Variants in WNT3 observed in about 807,000 individuals in gnomAD.
WNT3 encodes proto-oncogene Wnt-3.
A neutral mutation model predicts 34.2 loss-of-function variants in WNT3; 7 were observed. The observed-to-expected ratio is 0.20, with a 90% CI of 0.12 to 0.38. The LOEUF is 0.38. Among genes scored for constraint, WNT3 ranks in the 10% least tolerant of loss-of-function variants. WNT3 has a pLI of 1.00. For synonymous variants in WNT3, 212 were observed against 211.5 expected (o/e 1.00, Z -0.02); for missense variants, 267 against 499.8 (o/e 0.53, Z 4.44).
chr17:46,796,289 T>C (rs1568089544), intron 1 of WNT3, among the ~76,000 whole-genome samples: 1 of 152,372 alleles, frequency 6.6e-6, no homozygotes, highest in South Asian at 2.1e-4. Flanking sequence ...ACAATAAATG[T>C]TGGTTGCCAT....
intron 1 of WNT3, among the ~76,000 whole-genome samples, chr17:46,810,223 G>T (rs1481158475): frequency 1.3e-5 from 2 of 151,316 alleles, no homozygotes; most frequent in African/African-American, 2.4e-5. Context: ...GGCCAAGCAG[G>T]CCTCAAACTC....
chr17:46,791,547 G>A (rs1327659113), intron 1 of WNT3, among the ~76,000 whole-genome samples: 1 of 152,154 alleles, frequency 6.6e-6, no homozygotes, highest in East Asian at 1.9e-4. Context: ...ACTCTGCTCT[G>A]CAGAGCCTCA....
At chr17:46,806,121 C>T (rs757309644) in intron 1 of WNT3, among the ~76,000 whole-genome samples, 32 of 152,046 alleles carry the variant, frequency 2.1e-4, no homozygotes, top group African/African-American at 7.0e-4. Flanking sequence ...CCACTGGAGC[C>T]GCCCACTTGC....
At chr17:46,810,638 A>G (rs1374766305) in intron 1 of WNT3, among the ~76,000 whole-genome samples, 1 of 152,104 alleles carries the variant, frequency 6.6e-6, no homozygotes, top group Non-Finnish European at 1.5e-5. Context: ...CTTTGTGTGT[A>G]GAGTTTAGAG....
Position 46,768,877 on chromosome 17 carries a change from G to C in WNT3, c.589-78C>G. ...ATCCAGGCCTTCCCTCTCTGCCACT[G>C]CCCACCCCCTTCCCTCCAGCCTTCT... On this transcript the variant is annotated intron_variant, in intron 3 of 4. Coordinates refer to ENST00000225512, the MANE Select transcript of WNT3 (RefSeq NM_030753.5). This position sits in a 1 kb window ranked among gnomAD's most constrained non-coding sequence, Gnocchi z 5.0. 6.4e-7 allele frequency: 1 copy of C among 1,561,658 alleles called. No homozygotes were observed. Among genetic ancestry groups the C allele is most frequent in the South Asian group, 1.2e-5 (1 of 83,882 alleles).
intron 1 of WNT3, among the ~76,000 whole-genome samples, chr17:46,803,917 G>A (rs1053416295): frequency 7.2e-5 from 11 of 152,152 alleles, no homozygotes; most frequent in Admixed American, 5.9e-4. Flanking sequence ...GGCTGTAGGC[G>A]GGCATTTCTC....
At chr17:46,771,893 T>TGCCCCCGCCCCC (rs1282212413) in intron 2 of WNT3, among the ~76,000 whole-genome samples, 9 of 103,398 alleles carry the variant, frequency 8.7e-5, no homozygotes, top group South Asian at 3.3e-4. Flanking sequence ...CCCCCGCCCC[T>TGCCCCCGCCCCC]GCCCCCGCCC....
intron 2 of WNT3, among the ~76,000 whole-genome samples, chr17:46,772,101 C>T (rs2059379389): frequency 6.6e-6 from 1 of 152,090 alleles, no homozygotes; most frequent in Admixed American, 6.5e-5. Flanking sequence ...TCGCCGGGGG[C>T]GGGGTGCAAA....
chr17:46,772,202 A>C (rs972875135), intron 2 of WNT3, among the ~76,000 whole-genome samples: 2 of 151,952 alleles, frequency 1.3e-5, no homozygotes, highest in African/African-American at 4.8e-5. Context: ...GTCTTCCGGG[A>C]TGCTCTCCTC....
chr17:46,810,525 G>A (rs894238925), intron 1 of WNT3, among the ~76,000 whole-genome samples: 3 of 152,112 alleles, frequency 2.0e-5, no homozygotes, highest in Admixed American at 6.5e-5. Flanking sequence ...AGCTCTTCAC[G>A]GCCCTGCAAG....
chr17:46,813,322 G>A (rs1401465858), intron 1 of WNT3, among the ~76,000 whole-genome samples: 1 of 151,690 alleles, frequency 6.6e-6, no homozygotes, highest in Non-Finnish European at 1.5e-5. Context: ...CCAGAGAAGG[G>A]AAGGGACTCA....
chr17:46,764,643 G>A (rs1244202484), intron 4 of WNT3, 22 bp from the exon 5 acceptor site: 1 of 152,294 alleles, frequency 6.6e-6, no homozygotes, highest in Non-Finnish European at 1.5e-5. Context: ...TCAAGAGGAA[G>A]AATTAGAAAC....
At chr17:46,777,777 G>A (rs1395046114) in intron 1 of WNT3, among the ~76,000 whole-genome samples, 1 of 152,240 alleles carries the variant, frequency 6.6e-6, no homozygotes, top group Non-Finnish European at 1.5e-5. Flanking sequence ...CTTATGCAAG[G>A]AAGTGGCTGA....
rs1159235065 is a variant in WNT3 at position 46,763,417 on chromosome 17, C to T, written c.*1213G>A. The stretch of plus-strand genomic sequence containing the variant: ...AACTTCTAATCCAGATCCTTGGGAA[C>T]TGCATGGATGGAAGCTATCTCAGCA... On this transcript the variant is annotated 3_prime_UTR_variant, in exon 5 of 5. Coordinates refer to ENST00000225512, the MANE Select transcript of WNT3 (RefSeq NM_030753.5). The T allele has an allele frequency of 6.6e-6, 1 of 152,162 alleles. No individual in the cohort carries two copies. The highest frequency in any genetic ancestry group is 1.5e-5 in the Non-Finnish European group (1 of 68,062). 9.4% of individuals were successfully genotyped at this position (152,162 alleles called of 1,614,324 possible). A position where few individuals can be genotyped will look rare whatever the true frequency, so the allele number is the denominator to read the frequency against.
intron 1 of WNT3, among the ~76,000 whole-genome samples, chr17:46,813,459 C>G (rs1278671226): frequency 7.2e-6 from 1 of 139,692 alleles, no homozygotes; most frequent in Non-Finnish European, 1.5e-5. Context: ...CAGGATGGCT[C>G]TAACCTTTGG....
At chr17:46,766,689 G>A (rs1339082044) in intron 4 of WNT3, among the ~76,000 whole-genome samples, 1 of 152,086 alleles carries the variant, frequency 6.6e-6, no homozygotes, top group Non-Finnish European at 1.5e-5. Context: ...TCTCCATGAC[G>A]TCAAGTACCT....
intron 1 of WNT3, among the ~76,000 whole-genome samples, chr17:46,780,564 G>A (rs1040469079): frequency 4.6e-5 from 7 of 152,290 alleles, no homozygotes; most frequent in East Asian, 3.9e-4. Flanking sequence ...CGAGGCGGGA[G>A]GATCACGAGG....
In WNT3 at chr17:46,764,023, A is replaced by G. The variant is rs1275776508; in HGVS notation, c.*607T>C. ...CCACCCTGAGCTGCCAGTTCTTCCA[A>G]ACTCCAAATCCTACTCTAACAACTG... On this transcript the variant is annotated 3_prime_UTR_variant, in exon 5 of 5. Transcript: ENST00000225512. 2.0e-5 allele frequency: 3 copies of G among 152,158 alleles called. No homozygotes were observed. Among genetic ancestry groups the G allele is most frequent in the Non-Finnish European group, 2.9e-5 (2 of 68,024 alleles). 9.4% of individuals were successfully genotyped at this position (152,158 alleles called of 1,614,324 possible). A position where few individuals can be genotyped will look rare whatever the true frequency, so the allele number is the denominator to read the frequency against.
At chr17:46,781,232 CAAA>C (rs376907784) in intron 1 of WNT3, among the ~76,000 whole-genome samples, 6 of 143,936 alleles carry the variant, frequency 4.2e-5, no homozygotes, top group African/African-American at 7.7e-5. Flanking sequence ...TCCCCCCAAC[CAAA>C]AAAAAAAAAA....
Sources: allele counts gnomAD v4.1 joint callset (sites outside exome capture counted in the v4.1 genomes callset), GRCh38; gene constraint gnomAD v4.1.1; non-coding constraint Gnocchi (gnomAD v3.1); transcripts MANE v1.5; gene names NCBI Gene and HGNC (gene_info 2026-07-23, HGNC 2026-07-21).